The following ALCAM variants were observed in gnomAD, a reference collection of about 807,000 sequenced individuals.
ALCAM encodes activated leukocyte cell adhesion molecule, also known as CD166 antigen.
A neutral mutation model predicts 70.9 loss-of-function variants in ALCAM; 30 were observed. The observed-to-expected ratio is 0.42, with a 90% confidence interval of 0.32 to 0.57. The LOEUF (loss-of-function observed/expected upper bound fraction) is 0.57. Ranked by LOEUF, ALCAM falls within the 20% of genes least tolerant of loss-of-function variation. The pLI, the probability that ALCAM is intolerant of heterozygous loss-of-function variation, is 0.11. For synonymous variants in ALCAM, 249 were observed against 242.5 expected, an observed-to-expected ratio of 1.03 and a Z score of -0.25; for missense variants, 591 against 695.1, an observed-to-expected ratio of 0.85 and a Z score of 1.68.
rs577083105 is a variant in ALCAM at position 105,450,160 on chromosome 3, A to G, written c.74-69907A>G. 1.5e-4 allele frequency among the ~76,000 whole-genome samples: 23 copies of G among 152,310 alleles called. No homozygotes were observed. In the South Asian group the frequency reaches 4.8e-3, roughly 32 times the overall value. ...TGAAGGTGCTATGTACATAGTATAGAGTAGATTTCAAGAAATGGTTGAGAT... is the reference window on the plus strand; with the variant it reads ...TGAAGGTGCTATGTACATAGTATAGGGTAGATTTCAAGAAATGGTTGAGAT... On this transcript the variant is annotated intron_variant, in intron 1 of 15. Coordinates refer to ENST00000306107, the MANE Select transcript of ALCAM (RefSeq NM_001627.4).
chr3:105,428,937 A>T (rs1936861266), intron 1 of ALCAM, among the ~76,000 whole-genome samples: 1 of 151,954 alleles, frequency 6.6e-6, no homozygotes, highest in South Asian at 2.1e-4. Flanking sequence ...TAAAACCATC[A>T]TATTGGGCAC....
chr3:105,435,991 A>G (rs953651621), intron 1 of ALCAM, among the ~76,000 whole-genome samples: 6 of 152,140 alleles, frequency 3.9e-5, no homozygotes, highest in African/African-American at 1.4e-4. Context: ...GGCAAGAAGG[A>G]GCAAGTCACA....
At chr3:105,447,526 C>A (rs893564558) in intron 1 of ALCAM, among the ~76,000 whole-genome samples, 13 of 152,276 alleles carry the variant, frequency 8.5e-5, no homozygotes, top group African/African-American at 3.1e-4. Flanking sequence ...TAGGGACATG[C>A]CATCTCTACC....
chr3:105,395,136 C>G (rs552012666), intron 1 of ALCAM, among the ~76,000 whole-genome samples: 1 of 151,712 alleles, frequency 6.6e-6, no homozygotes, highest in African/African-American at 2.4e-5. Flanking sequence ...ATCAAATGAC[C>G]GCCCTGCCAA....
intron 1 of ALCAM, among the ~76,000 whole-genome samples, chr3:105,379,902 T>C (rs1374940436): frequency 6.6e-6 from 1 of 151,822 alleles, no homozygotes; most frequent in Non-Finnish European, 1.5e-5. Flanking sequence ...CTTAGTTCTT[T>C]GTACCTTTTG....
intron 4 of ALCAM, 141 bp downstream of exon 4, chr3:105,532,207 C>A: frequency 1.4e-6 from 1 of 718,722 alleles, no homozygotes; most frequent in Non-Finnish European, 2.4e-6. Context: ...AAATTATCTA[C>A]AAGGCACAGA....
At chr3:105,403,684 A>G (rs2107377138) in intron 1 of ALCAM, among the ~76,000 whole-genome samples, 1 of 152,074 alleles carries the variant, frequency 6.6e-6, no homozygotes, top group South Asian at 2.1e-4. Context: ...TTTCTTCAAC[A>G]CCCCAAAAAG....
intron 1 of ALCAM, among the ~76,000 whole-genome samples, chr3:105,381,624 T>C (rs1235041891): frequency 6.6e-6 from 1 of 151,914 alleles, no homozygotes; most frequent in Non-Finnish European, 1.5e-5. Context: ...GCCTATAGTT[T>C]ACAGTGTCTA....
At chr3:105,511,552 C>T (rs1939237081) in intron 1 of ALCAM, among the ~76,000 whole-genome samples, 1 of 151,974 alleles carries the variant, frequency 6.6e-6, no homozygotes. Flanking sequence ...ATTGCAACCC[C>T]TCCAGGGAGC....
intron 1 of ALCAM, among the ~76,000 whole-genome samples, chr3:105,443,535 T>TA (rs1312487431): frequency 6.6e-6 from 1 of 152,202 alleles, no homozygotes; most frequent in East Asian, 1.9e-4. Context: ...AATTCATTAA[T>TA]AAAAAGTATA....
chr3:105,380,154 T>C (rs1935483194), intron 1 of ALCAM, among the ~76,000 whole-genome samples: 1 of 151,838 alleles, frequency 6.6e-6, no homozygotes, highest in Admixed American at 6.6e-5. Flanking sequence ...ATGGAAATGG[T>C]CTTCTTCCTT....
intron 1 of ALCAM, among the ~76,000 whole-genome samples, chr3:105,412,017 C>A (rs1936402651): frequency 1.3e-5 from 2 of 151,922 alleles, no homozygotes; most frequent in African/African-American, 4.8e-5. Context: ...TTTTTATGAA[C>A]TGAAACAGGT....
chr3:105,461,189 C>T (rs945553442), intron 1 of ALCAM, among the ~76,000 whole-genome samples: 1 of 151,776 alleles, frequency 6.6e-6, no homozygotes, highest in Non-Finnish European at 1.5e-5. Context: ...GGGTCAGTAG[C>T]TATTAAGCTC....
intron 1 of ALCAM, among the ~76,000 whole-genome samples, chr3:105,510,881 C>T (rs191261994): frequency 1.2e-3 from 185 of 152,142 alleles, no homozygotes; most frequent in Middle Eastern, 6.8e-3. Flanking sequence ...TAAAAAACTA[C>T]ATTTGGCCTC....
intron 2 of ALCAM, among the ~76,000 whole-genome samples, chr3:105,521,005 C>CA (rs1328255814): frequency 4.6e-5 from 7 of 152,094 alleles, no homozygotes; most frequent in Admixed American, 2.6e-4. Flanking sequence ...AAATACTTTA[C>CA]AAAAAGTTTA....
chr3:105,511,811 A>C (rs1939245952), intron 1 of ALCAM, among the ~76,000 whole-genome samples: 1 of 152,016 alleles, frequency 6.6e-6, no homozygotes, highest in Admixed American at 6.6e-5. Context: ...TTAATGTGGA[A>C]TATACCAGAA....
intron 14 of ALCAM, among the ~76,000 whole-genome samples, chr3:105,559,173 TA>T (rs1940579068): frequency 6.7e-6 from 1 of 148,150 alleles, no homozygotes; most frequent in East Asian, 1.9e-4. Context: ...AATGTATATA[TA>T]TTATATATAC....
chr3:105,522,322 A>G (rs1353457900), intron 2 of ALCAM, among the ~76,000 whole-genome samples: 5 of 152,158 alleles, frequency 3.3e-5, no homozygotes, highest in African/African-American at 1.2e-4. Flanking sequence ...CAATTTTCAA[A>G]TTTTTAGTTA....
At chr3:105,563,663 A>ATTTT (rs1940677356) in intron 14 of ALCAM, among the ~76,000 whole-genome samples, 1 of 72,564 alleles carries the variant, frequency 1.4e-5, no homozygotes, top group African/African-American at 6.8e-5. Context: ...AATTCCAAGC[A>ATTTT]TTTCTTTTTT....
Sources: gnomAD v4.1 joint callset for allele counts (sites outside exome capture counted in the v4.1 genomes callset) on GRCh38, gnomAD v4.1.1 for gene constraint, MANE v1.5 for transcripts, NCBI Gene and HGNC (gene_info 2026-07-23, HGNC 2026-07-21) for gene names.